Variants in EPHA7 observed in about 807,000 individuals in gnomAD.
EPHA7 encodes the protein ephrin type-A receptor 7.
In EPHA7, 25 loss-of-function variants were observed where a neutral mutation model predicts 112.6. The ratio of observed to expected loss-of-function variants is 0.22; its 90% confidence interval spans 0.16 to 0.31. The LOEUF (loss-of-function observed/expected upper bound fraction) is 0.31, where lower values mean the gene tolerates loss of function less well. Ranked by LOEUF, EPHA7 falls within the 10% of genes least tolerant of loss-of-function variation. EPHA7 has a pLI of 1.00. For missense variants in EPHA7, 962 were observed against 1,212.6 expected, an observed-to-expected ratio of 0.79 and a Z score of 3.07; for synonymous variants, 437 against 406.5, an observed-to-expected ratio of 1.07 and a Z score of -0.90.
At chr6:93,372,785 C>T (rs1403462736) in intron 3 of EPHA7, among the ~76,000 whole-genome samples, 1 of 152,054 alleles carries the variant, frequency 6.6e-6, no homozygotes, top group Non-Finnish European at 1.5e-5. Flanking sequence ...GCAGCTATAA[C>T]AGCCTAAGTG....
Position 93,271,878 on chromosome 6 carries a change from T to C in EPHA7, c.1449+420A>G, listed in dbSNP as rs374740630. On this transcript the variant is annotated intron_variant, in intron 6 of 16. Transcript: ENST00000369303. Reference sequence around the variant, plus strand: ...AAAATATTCTTATTATTTCAAATTATTAAATTATTTGAGGTCATTATCATC... The same window carrying C: ...AAAATATTCTTATTATTTCAAATTACTAAATTATTTGAGGTCATTATCATC... 7.9e-5 allele frequency among the ~76,000 whole-genome samples: 12 copies of C among 152,004 alleles called. 1 individual carries two copies. The highest frequency in any genetic ancestry group is 2.2e-4 in the African/African-American group (9 of 41,516).
At chr6:93,284,255 C>T (rs2127827991) in intron 5 of EPHA7, among the ~76,000 whole-genome samples, 1 of 152,102 alleles carries the variant, frequency 6.6e-6, no homozygotes, top group South Asian at 2.1e-4. Context: ...AATTGACTTT[C>T]TTAAACATGA....
At chr6:93,302,981 A>C (rs142289100) in intron 5 of EPHA7, among the ~76,000 whole-genome samples, 1 of 152,136 alleles carries the variant, frequency 6.6e-6, no homozygotes, top group Admixed American at 6.6e-5. Flanking sequence ...GGGAAACACT[A>C]CCTGCAGGGG....
chr6:93,296,467 G>GTA (rs1392746495), intron 5 of EPHA7, among the ~76,000 whole-genome samples: 2 of 126,380 alleles, frequency 1.6e-5, no homozygotes, highest in East Asian at 2.1e-4. Context: ...ATATATATAT[G>GTA]TATATATATA....
intron 3 of EPHA7, among the ~76,000 whole-genome samples, chr6:93,379,466 T>C (rs1777227944): frequency 6.6e-6 from 1 of 152,066 alleles, no homozygotes; most frequent in Non-Finnish European, 1.5e-5. Flanking sequence ...GGGAATGTAA[T>C]TATCAGATAC....
At position 93,409,997 on chromosome 6, in the gene EPHA7, G is replaced by C. The variant is rs1258294104; in HGVS notation, c.832+504C>G. 3 of 150,898 alleles carry C rather than the reference G, an allele frequency of 2.0e-5. No individual in the cohort carries two copies. The East Asian group carries it at 5.9e-4, about 29-fold the overall frequency. 9.3% of individuals were successfully genotyped at this position (150,898 alleles called of 1,614,324 possible). On this transcript the variant is annotated intron_variant, in intron 3 of 16. Coordinates refer to ENST00000369303, the MANE Select transcript of EPHA7 (RefSeq NM_004440.4). Reference sequence around the variant, plus strand: ...TTGAAAATTTTGTATTAAAGTTATAGTATTTATATAAGATAATTCTAAAAG... The same window carrying C: ...TTGAAAATTTTGTATTAAAGTTATACTATTTATATAAGATAATTCTAAAAG...
At chr6:93,393,824 A>G (rs1778026048) in intron 3 of EPHA7, among the ~76,000 whole-genome samples, 1 of 151,786 alleles carries the variant, frequency 6.6e-6, no homozygotes, top group Non-Finnish European at 1.5e-5. Context: ...TAGCCAAATC[A>G]TATTTTTCCC....
chr6:93,330,483 T>C (rs1000046362), intron 5 of EPHA7, among the ~76,000 whole-genome samples: 4 of 151,318 alleles, frequency 2.6e-5, no homozygotes, highest in Admixed American at 1.3e-4. Context: ...TTTTACTATC[T>C]GCTTCTATTA....
At chr6:93,291,539 C>A (rs1035284447) in intron 5 of EPHA7, among the ~76,000 whole-genome samples, 1 of 151,488 alleles carries the variant, frequency 6.6e-6, no homozygotes, top group Non-Finnish European at 1.5e-5. Context: ...GAGGCCGAGG[C>A]GGGCGGATCA....
chr6:93,310,328 A>G (rs960306538), intron 5 of EPHA7, among the ~76,000 whole-genome samples: 2 of 152,184 alleles, frequency 1.3e-5, no homozygotes, highest in African/African-American at 4.8e-5. Context: ...GATGACATCA[A>G]TGTTTTTACA....
intron 3 of EPHA7, among the ~76,000 whole-genome samples, chr6:93,385,710 G>A (rs1777566614): frequency 6.6e-6 from 1 of 151,928 alleles, no homozygotes; most frequent in African/African-American, 2.4e-5. Flanking sequence ...GGTGATGTGT[G>A]GATGGATGGA....
chr6:93,381,267 G>A (rs953675119), intron 3 of EPHA7, among the ~76,000 whole-genome samples: 14 of 152,048 alleles, frequency 9.2e-5, no homozygotes, highest in African/African-American at 2.9e-4. Flanking sequence ...AGGAAAATAA[G>A]CAATAAAATT....
intron 5 of EPHA7, among the ~76,000 whole-genome samples, chr6:93,293,169 C>CCA (rs1339510230): frequency 2.0e-5 from 3 of 147,512 alleles, no homozygotes; most frequent in African/African-American, 5.1e-5. Flanking sequence ...CTATGTAAAC[C>CCA]CATATATATA....
rs375822167 is a variant in EPHA7 at position 93,302,081 on chromosome 6, G to A, written c.1325-29659C>T. Among the ~76,000 whole-genome samples the A allele has an allele frequency of 1.5e-4, 23 of 152,270 alleles. No homozygotes were observed. The East Asian group carries it at 4.2e-3, about 28-fold the overall frequency. Reference sequence around the variant, plus strand: ...CCTTACCGTCACTGGGCCGGAAAGTGTGTAATTCTCCTTGCTCTTCTCTTC... The same window carrying A: ...CCTTACCGTCACTGGGCCGGAAAGTATGTAATTCTCCTTGCTCTTCTCTTC... On this transcript the variant is annotated intron_variant, in intron 5 of 16. Transcript: ENST00000369303.
intron 5 of EPHA7, among the ~76,000 whole-genome samples, chr6:93,297,062 C>T (rs1391211777): frequency 6.6e-6 from 1 of 151,780 alleles, no homozygotes; most frequent in Non-Finnish European, 1.5e-5. Flanking sequence ...TGTTGTATAA[C>T]TTAAATATAT....
intron 3 of EPHA7, among the ~76,000 whole-genome samples, chr6:93,388,339 C>G (rs565253909): frequency 1.3e-5 from 2 of 152,066 alleles, no homozygotes; most frequent in Non-Finnish European, 2.9e-5. Context: ...TTTTCTCACC[C>G]TGGAAGAGAA....
rs1442332580 is a variant in EPHA7, at chr6:93,356,805, A to T, written c.1236T>A (p.Thr412=). The T allele has an allele frequency of 1.2e-6, 2 of 1,614,182 alleles. No homozygotes were observed. The highest frequency in any genetic ancestry group is 2.2e-5 in the South Asian group (2 of 91,078). Residue 412 remains threonine, a synonymous_variant, in exon 5 of 17, where the codon ACT becomes ACA. Transcript: ENST00000369303. The part of the protein sequence containing the change: ...VMDLLAHANY[T]FEVEAVNGVS... ...CTCCATTTACAGCTTCAACTTCAAA[A>T]GTATAATTAGCGTGGGCTAGCAGGT...
At chr6:93,404,864 G>A (rs1778618253) in intron 3 of EPHA7, among the ~76,000 whole-genome samples, 1 of 151,574 alleles carries the variant, frequency 6.6e-6, no homozygotes, top group African/African-American at 2.4e-5. Flanking sequence ...TTTATTGAAT[G>A]CCTTCTATTA....
intron 3 of EPHA7, among the ~76,000 whole-genome samples, chr6:93,380,562 A>C (rs2127970406): frequency 6.6e-6 from 1 of 152,234 alleles, no homozygotes; most frequent in East Asian, 1.9e-4. Context: ...TTAGTTCAGG[A>C]AAGTGATAGT....
Sources: allele counts gnomAD v4.1 joint callset (sites outside exome capture counted in the v4.1 genomes callset), GRCh38; gene constraint gnomAD v4.1.1; transcripts MANE v1.5; gene names NCBI Gene and HGNC (gene_info 2026-07-23, HGNC 2026-07-21).